Variants in LINGO2 observed in about 807,000 individuals in gnomAD.
LINGO2 encodes the protein leucine rich repeat and Ig domain containing 2.
Under a neutral mutation model 30.6 loss-of-function variants are expected in LINGO2, and 14 were observed. The observed-to-expected ratio is 0.46, with a 90% CI of 0.30 to 0.72. The LOEUF (loss-of-function observed/expected upper bound fraction) is 0.72. Among genes scored for constraint, LINGO2 ranks in the 30% least tolerant of loss-of-function variants. LINGO2 has a pLI of 0.07. For synonymous variants in LINGO2, 317 were observed against 288.5 expected, an observed-to-expected ratio of 1.10 and a Z score of -1.00; for missense variants, 729 against 751.7, an observed-to-expected ratio of 0.97 and a Z score of 0.35.
chr9:28,752,746 T>C, the LINGO2 span, among the ~76,000 whole-genome samples: 1 of 151,888 alleles, frequency 6.6e-6, no homozygotes, highest in Non-Finnish European at 1.5e-5. Context: ...ACCCTCCTCA[T>C]CTTAAACATA....
the LINGO2 span, among the ~76,000 whole-genome samples, chr9:28,975,362 A>G: frequency 6.6e-6 from 1 of 152,326 alleles, no homozygotes; most frequent in East Asian, 1.9e-4. Flanking sequence ...AGTGACTCAG[A>G]TGGTTAATGT....
At chr9:28,283,756 C>A (rs965438774) in intron 4 of LINGO2, among the ~76,000 whole-genome samples, 2 of 151,864 alleles carry the variant, frequency 1.3e-5, no homozygotes, top group Non-Finnish European at 2.9e-5. Context: ...GTATAAAATA[C>A]CTGTATTAAG....
chr9:29,196,264 T>C, the LINGO2 span, among the ~76,000 whole-genome samples: 1 of 152,066 alleles, frequency 6.6e-6, no homozygotes, highest in East Asian at 1.9e-4. Context: ...GATTTTCCAC[T>C]GTTCCCCCTT....
intron 1 of LINGO2, among the ~76,000 whole-genome samples, chr9:28,650,616 C>A (rs978516447): frequency 4.6e-4 from 70 of 152,276 alleles, no homozygotes; most frequent in African/African-American, 1.6e-3. Flanking sequence ...ACCTCTCTGA[C>A]GTCCTGTTTC....
intron 5 of LINGO2, among the ~76,000 whole-genome samples, chr9:28,004,916 C>T (rs976243087): frequency 6.6e-6 from 1 of 151,922 alleles, no homozygotes; most frequent in Non-Finnish European, 1.5e-5. Flanking sequence ...GTGTTTTTAT[C>T]GATATGATTT....
chr9:28,385,954 C>T (rs1273447322), intron 2 of LINGO2, among the ~76,000 whole-genome samples: 1 of 152,142 alleles, frequency 6.6e-6, no homozygotes, highest in Non-Finnish European at 1.5e-5. Flanking sequence ...TAAAATACTA[C>T]AGTTCTGGGC....
the LINGO2 span, among the ~76,000 whole-genome samples, chr9:29,105,599 T>C: frequency 6.6e-6 from 1 of 152,196 alleles, no homozygotes; most frequent in Non-Finnish European, 1.5e-5. Context: ...GTGATGATGA[T>C]GGGGTATCAC....
the LINGO2 span, among the ~76,000 whole-genome samples, chr9:28,757,145 T>C: frequency 1.3e-5 from 2 of 152,112 alleles, no homozygotes; most frequent in Non-Finnish European, 2.9e-5. Context: ...TGTCAAAGTA[T>C]TGGGCATCTC....
intron 4 of LINGO2, among the ~76,000 whole-genome samples, chr9:28,064,595 A>G (rs1443877731): frequency 1.3e-5 from 2 of 152,128 alleles, no homozygotes; most frequent in African/African-American, 4.8e-5. Flanking sequence ...GCACTACCTC[A>G]TCCACTTAAT....
At chr9:27,995,513 C>T (rs1040428228) in intron 5 of LINGO2, among the ~76,000 whole-genome samples, 1 of 152,102 alleles carries the variant, frequency 6.6e-6, no homozygotes, top group Non-Finnish European at 1.5e-5. Flanking sequence ...TTGAACAACA[C>T]ATTAAAAAGA....
the LINGO2 span, among the ~76,000 whole-genome samples, chr9:29,087,161 G>A: frequency 6.6e-6 from 1 of 152,170 alleles, no homozygotes; most frequent in Non-Finnish European, 1.5e-5. Flanking sequence ...ACAGGCGTGA[G>A]CCACTGCACC....
At chr9:28,871,313 C>T in the LINGO2 span, among the ~76,000 whole-genome samples, 1 of 151,122 alleles carries the variant, frequency 6.6e-6, no homozygotes, top group Non-Finnish European at 1.5e-5. Context: ...AACAATAGAA[C>T]AATATTCATA....
chr9:28,149,685 G>A (rs1827933965), intron 4 of LINGO2, among the ~76,000 whole-genome samples: 1 of 150,198 alleles, frequency 6.7e-6, no homozygotes, highest in Non-Finnish European at 1.5e-5. Flanking sequence ...TCTGGGAAGT[G>A]AGGAACGCTT....
the LINGO2 span, among the ~76,000 whole-genome samples, chr9:29,189,455 G>A: frequency 5.9e-5 from 9 of 151,580 alleles, no homozygotes; most frequent in African/African-American, 2.2e-4. Flanking sequence ...TCCCAGACGG[G>A]GTCGCGCCGG....
At chr9:28,007,367 C>T (rs1255760065) in intron 5 of LINGO2, among the ~76,000 whole-genome samples, 2 of 152,158 alleles carry the variant, frequency 1.3e-5, no homozygotes, top group South Asian at 2.1e-4. Context: ...ACAAAAAGCG[C>T]TACGCATGAT....
the LINGO2 span, among the ~76,000 whole-genome samples, chr9:29,182,021 C>T: frequency 6.6e-6 from 1 of 152,090 alleles, no homozygotes; most frequent in Non-Finnish European, 1.5e-5. Flanking sequence ...CCTACATGGC[C>T]ATGGGGGTGG....
intron 1 of LINGO2, among the ~76,000 whole-genome samples, chr9:28,556,038 C>G (rs1564289514): frequency 6.6e-6 from 1 of 152,050 alleles, no homozygotes; most frequent in Non-Finnish European, 1.5e-5. Context: ...CAGCCAATAT[C>G]ATACTGAATG....
chr9:28,004,703 G>A (rs1206324165), intron 5 of LINGO2, among the ~76,000 whole-genome samples: 1 of 152,126 alleles, frequency 6.6e-6, no homozygotes, highest in Non-Finnish European at 1.5e-5. Flanking sequence ...CAAATTAATG[G>A]AGTTCAAGAG....
chr9:28,661,462 G>A (rs1026075513), intron 1 of LINGO2, among the ~76,000 whole-genome samples: 4 of 152,114 alleles, frequency 2.6e-5, no homozygotes, highest in African/African-American at 9.7e-5. Context: ...GACAATAAAT[G>A]ATTGTTGTAT....
Sources: allele counts gnomAD v4.1 joint callset (sites outside exome capture counted in the v4.1 genomes callset), GRCh38; gene constraint gnomAD v4.1.1; transcripts MANE v1.5; gene names NCBI Gene and HGNC (gene_info 2026-07-23, HGNC 2026-07-21).